The following CYB5R2 variants were observed in gnomAD, a reference collection of about 807,000 sequenced individuals.
The protein encoded by CYB5R2 is NADH-cytochrome b5 reductase 2.
CYB5R2 carries 35 observed loss-of-function variants against 29.8 expected under a neutral mutation model. That is an observed-to-expected ratio of 1.17 (90% confidence interval 0.90 to 1.56). The LOEUF (loss-of-function observed/expected upper bound fraction) is 1.56, where lower values mean the gene tolerates loss of function less well. Ranked by LOEUF, CYB5R2 falls within the 40% of genes most tolerant of loss-of-function variation. The pLI is 0.00. For synonymous variants in CYB5R2, 169 were observed against 130.6 expected (o/e 1.29, Z -2.01); for missense variants, 419 against 346.7 (o/e 1.21, Z -1.66).
rs556483389 is a variant in CYB5R2, at chr11:7,665,259, C to G, written c.*115G>C. 2 of 895,718 alleles carry G rather than the reference C, an allele frequency of 2.2e-6. No homozygotes were observed. The highest frequency in any genetic ancestry group is 3.3e-6 in the Non-Finnish European group (2 of 600,534). 55.5% of individuals were successfully genotyped at this position (895,718 alleles called of 1,614,324 possible). A position where few individuals can be genotyped will look rare whatever the true frequency, so the allele number is the denominator to read the frequency against. ...CCCAAAAGAGGAGAACCAGTGTGTGCGCGAAGGTACATGGCAAGGCACTTT... is the reference window on the plus strand; with the variant it reads ...CCCAAAAGAGGAGAACCAGTGTGTGGGCGAAGGTACATGGCAAGGCACTTT... On this transcript the variant is annotated 3_prime_UTR_variant, in exon 9 of 9. Transcript: ENST00000299498.
upstream of CYB5R2, chr11:7,674,185 G>A (rs1855943576): frequency 3.2e-6 from 4 of 1,250,714 alleles, no homozygotes; most frequent in South Asian, 1.4e-5. Context: ...GAAGAATTCA[G>A]GCAGCTGCAA....
At position 7,673,404 on chromosome 11, in the gene CYB5R2, C is replaced by T. The variant is rs181352694; in HGVS notation, c.-67+15G>A. 1 of 997,348 alleles carries T rather than the reference C, an allele frequency of 1.0e-6. No homozygotes were observed. Among genetic ancestry groups the T allele is most frequent in the Non-Finnish European group, 1.2e-6 (1 of 835,886 alleles). 61.8% of individuals were successfully genotyped at this position (997,348 alleles called of 1,614,324 possible). On this transcript the variant is annotated intron_variant, in intron 1 of 8. Transcript: ENST00000299498. ...ACTGCCAGAGACTCGGGAGCCTCCCCGCATCTGTCCCTACCCTACAAGGCC... is the reference window on the plus strand; with the variant it reads ...ACTGCCAGAGACTCGGGAGCCTCCCTGCATCTGTCCCTACCCTACAAGGCC...
chr11:7,665,817 C>G lies in CYB5R2; in HGVS notation c.659-271G>C, dbSNP rs78318229. The G allele has an allele frequency of 1.3e-3, 1,927 of 1,526,242 alleles. 17 individuals are homozygous for G. In the African/African-American group the frequency reaches 0.024, roughly 19 times the overall value. The allele number at this position is 1,526,242 out of a possible 1,614,324, so 94.5% of individuals were successfully genotyped here. A position where few individuals can be genotyped will look rare whatever the true frequency, so the allele number is the denominator to read the frequency against. On this transcript the variant is annotated intron_variant, in intron 8 of 8. Coordinates refer to ENST00000299498, the MANE Select transcript of CYB5R2 (RefSeq NM_016229.5). ...GCATTGACGAGGAAGGAGAACACAA[C>G]GAGGTATACCGAGGTGTGTGAATCA...
intron 3 of CYB5R2, chr11:7,671,606 CAG>C (rs1247070205): frequency 6.6e-6 from 1 of 152,326 alleles, no homozygotes; most frequent in African/African-American, 2.4e-5. Context: ...CAAGGAGGCT[CAG>C]GGGCCCAGCG....
intron 3 of CYB5R2, chr11:7,671,488 CT>C (rs1414012825): frequency 1.3e-5 from 2 of 152,282 alleles, no homozygotes; most frequent in Non-Finnish European, 2.9e-5. Flanking sequence ...GTTTTTCATT[CT>C]TTTAGGCTTC....
Position 7,672,882 on chromosome 11 carries a change from G to C in CYB5R2, c.-57C>G. 1 of 1,613,194 alleles carries C rather than the reference G, an allele frequency of 6.2e-7. No individual in the cohort carries two copies. The highest frequency in any genetic ancestry group is 8.5e-7 in the Non-Finnish European group (1 of 1,179,580). ...CCAGTGACGGTGATGGTCAGGAGCA[G>C]GGACGGGTCCTGGCAGACACAATGT... On this transcript the variant is annotated 5_prime_UTR_variant, in exon 2 of 9. Coordinates refer to ENST00000299498, the MANE Select transcript of CYB5R2 (RefSeq NM_016229.5).
In CYB5R2 at chr11:7,665,554, G is replaced by T; in HGVS notation, c.659-8C>A. ...CTGAGCTGTACTTCCAGCCTGAAAT[G>T]AAGGAGATGCAGGAGCAAGCTGAGC... On this transcript the variant is annotated splice_polypyrimidine_tract_variant and splice_region_variant and intron_variant, in intron 8 of 8. Transcript: ENST00000299498. 6.3e-7 allele frequency: 1 copy of T among 1,596,048 alleles called. No individual in the cohort carries two copies. Among genetic ancestry groups the T allele is most frequent in the South Asian group, 1.1e-5 (1 of 87,254 alleles).
Position 7,673,445 on chromosome 11 carries a change from C to T in CYB5R2, c.-93G>A, listed in dbSNP as rs2136135923. On this transcript the variant is annotated 5_prime_UTR_variant, in exon 1 of 9. Transcript: ENST00000299498. ...CTACAAGGCCGCCCTGCTCCTCTCC[C>T]AACTCAAGCCCGACAGGGAAAGTTG... The T allele has an allele frequency of 8.1e-6, 8 of 986,690 alleles. No individual in the cohort carries two copies. The highest frequency in any genetic ancestry group is 5.2e-4 in the Middle Eastern group (1 of 1,914). The allele number at this position is 986,690 out of a possible 1,614,324, so 61.1% of individuals were successfully genotyped here. A position where few individuals can be genotyped will look rare whatever the true frequency, so the allele number is the denominator to read the frequency against.
intron 3 of CYB5R2, chr11:7,671,647 G>C (rs1045699372): frequency 2.6e-5 from 4 of 152,236 alleles, no homozygotes; most frequent in Admixed American, 6.5e-5. Context: ...CTCACCACCT[G>C]ATAGAGCTGA....
upstream of CYB5R2, chr11:7,674,160 G>A (rs1405130278): frequency 5.8e-5 from 72 of 1,234,120 alleles, no homozygotes; most frequent in Non-Finnish European, 7.1e-5. Flanking sequence ...CGGGCGGAGG[G>A]GGATGCTGGG....
In CYB5R2 at chr11:7,673,411, G is replaced by C; in HGVS notation, c.-67+8C>G. 1.0e-6 allele frequency: 1 copy of C among 994,488 alleles called. No individual in the cohort carries two copies. Among genetic ancestry groups the C allele is most frequent in the Non-Finnish European group, 1.2e-6 (1 of 834,610 alleles). The allele number at this position is 994,488 out of a possible 1,614,324, so 61.6% of individuals were successfully genotyped here. A position where few individuals can be genotyped will look rare whatever the true frequency, so the allele number is the denominator to read the frequency against. The stretch of plus-strand genomic sequence containing the variant: ...GAGACTCGGGAGCCTCCCCGCATCT[G>C]TCCCTACCCTACAAGGCCGCCCTGC... On this transcript the variant is annotated splice_region_variant and intron_variant, in intron 1 of 8. Transcript: ENST00000299498.
At position 7,673,403 on chromosome 11, in the gene CYB5R2, C is replaced by T. The variant is rs1855881345; in HGVS notation, c.-67+16G>A. 5 of 997,486 alleles carry T rather than the reference C, an allele frequency of 5.0e-6. No homozygotes were observed. The South Asian group carries it at 2.2e-4, about 44-fold the overall frequency. 61.8% of individuals were successfully genotyped at this position (997,486 alleles called of 1,614,324 possible). A position where few individuals can be genotyped will look rare whatever the true frequency, so the allele number is the denominator to read the frequency against. ...AACTGCCAGAGACTCGGGAGCCTCCCCGCATCTGTCCCTACCCTACAAGGC... is the reference window on the plus strand; with the variant it reads ...AACTGCCAGAGACTCGGGAGCCTCCTCGCATCTGTCCCTACCCTACAAGGC... On this transcript the variant is annotated intron_variant, in intron 1 of 8. Coordinates refer to ENST00000299498, the MANE Select transcript of CYB5R2 (RefSeq NM_016229.5).
intron 6 of CYB5R2, among the ~76,000 whole-genome samples, chr11:7,668,015 A>C (rs1254923647): frequency 1.3e-5 from 2 of 152,226 alleles, no homozygotes; most frequent in Middle Eastern, 3.2e-3. Context: ...TCTCATTTTC[A>C]TATGGCAAGA....
Position 7,665,560 on chromosome 11 carries a change from G to C in CYB5R2, c.659-14C>G, listed in dbSNP as rs368444026. ...TGTACTTCCAGCCTGAAATGAAGGAGATGCAGGAGCAAGCTGAGCGATGCC... is the reference window on the plus strand; with the variant it reads ...TGTACTTCCAGCCTGAAATGAAGGACATGCAGGAGCAAGCTGAGCGATGCC... On this transcript the variant is annotated splice_polypyrimidine_tract_variant and intron_variant, in intron 8 of 8. Transcript: ENST00000299498. 21 of 1,591,472 alleles carry C rather than the reference G, an allele frequency of 1.3e-5. No homozygotes were observed. The African/African-American group carries it at 1.7e-4, about 13-fold the overall frequency.
At chr11:7,669,858 G>T in intron 3 of CYB5R2, 127 bp from the exon 4 acceptor site, 1 of 738,802 alleles carries the variant, frequency 1.4e-6, no homozygotes, top group Admixed American at 2.2e-5. Flanking sequence ...GTGGGAAGAA[G>T]AGAGCAGGGA....
upstream of CYB5R2, chr11:7,673,800 C>T: frequency 1.0e-6 from 1 of 987,850 alleles, no homozygotes; most frequent in Non-Finnish European, 1.2e-6. Context: ...CTCGTGGCGT[C>T]GCCCCGCAGC....
intron 5 of CYB5R2, chr11:7,668,822 A>G (rs1055168796): frequency 2.6e-4 from 153 of 588,052 alleles, no homozygotes; most frequent in Middle Eastern, 1.4e-3. Flanking sequence ...AGCTGAAGTT[A>G]ACACAGAGAC....
chr11:7,665,281 C>T lies in CYB5R2; in HGVS notation c.*93G>A. 1 of 1,165,338 alleles carries T rather than the reference C, an allele frequency of 8.6e-7. No homozygotes were observed. The highest frequency in any genetic ancestry group is 1.2e-6 in the Non-Finnish European group (1 of 838,986). 72.2% of individuals were successfully genotyped at this position (1,165,338 alleles called of 1,614,324 possible). On this transcript the variant is annotated 3_prime_UTR_variant, in exon 9 of 9. Coordinates refer to ENST00000299498, the MANE Select transcript of CYB5R2 (RefSeq NM_016229.5). ...GTGCGCGAAGGTACATGGCAAGGCACTTTTGAAAACATCCCAGTTTACCGT... is the reference window on the plus strand; with the variant it reads ...GTGCGCGAAGGTACATGGCAAGGCATTTTTGAAAACATCCCAGTTTACCGT...
At chr11:7,673,200 G>C in intron 1 of CYB5R2, 1 of 397,004 alleles carries the variant, frequency 2.5e-6, no homozygotes, top group South Asian at 3.0e-5. Flanking sequence ...TTCATACACT[G>C]GAAGTCCCTT....
Sources: gnomAD v4.1 joint callset for allele counts (sites outside exome capture counted in the v4.1 genomes callset) on GRCh38, gnomAD v4.1.1 for gene constraint, MANE v1.5 for transcripts, NCBI Gene and HGNC (gene_info 2026-07-23, HGNC 2026-07-21) for gene names.